JMJD4: variants seen among roughly 807,000 people sequenced by gnomAD.
The protein encoded by JMJD4 is 2-oxoglutarate and iron-dependent oxygenase JMJD4.
Under a neutral mutation model 36.3 loss-of-function variants are expected in JMJD4, and 34 were observed. That is an observed-to-expected ratio of 0.94 (90% CI 0.71 to 1.25). The LOEUF is 1.25. JMJD4 is among the 50% of genes most tolerant of loss of function. JMJD4 has a pLI of 0.00. For missense variants in JMJD4, 584 were observed against 559.1 expected (o/e 1.04, Z -0.45); for synonymous variants, 269 against 235.3 (o/e 1.14, Z -1.31).
Position 227,734,829 on chromosome 1 carries a change from GCA to G in JMJD4, c.263-15_263-14del, listed in dbSNP as rs763430067. On this transcript the variant is annotated splice_polypyrimidine_tract_variant and intron_variant, in intron 1 of 5. Coordinates refer to ENST00000620518, the MANE Select transcript of JMJD4 (RefSeq NM_023007.3). ...ACAACCACGTCTCCTGAAATGAAAG[GCA>G]CGGTCCATGCCATCTCCCTGGGCCC... is the stretch of plus-strand genomic sequence containing the variant. 3.0e-5 allele frequency: 49 copies of G among 1,613,190 alleles called. No homozygotes were observed. Among genetic ancestry groups the G allele is most frequent in the Non-Finnish European group, 4.0e-5 (47 of 1,179,936 alleles).
At position 227,732,591 on chromosome 1, in the gene JMJD4, A is replaced by G; in HGVS notation, c.1055T>C (p.Leu352Pro). ...ACCGTCCTCAGCGGCTGCCTCCCTC[A>G]GGACCAGGAGCCTCTTCTCAGCGAT... Reference protein sequence around the residue: ...KVIAEKRLLVLREAAAEDGAG... With the variant: ...KVIAEKRLLVPREAAAEDGAG... The change falls in exon 6 of 6, where the codon CTG becomes CCG. Residue 352 changes from leucine to proline, a missense_variant. Coordinates refer to ENST00000620518, the MANE Select transcript of JMJD4 (RefSeq NM_023007.3). The G allele has an allele frequency of 6.2e-7, 1 of 1,613,492 alleles. No individual in the cohort carries two copies. Among genetic ancestry groups the G allele is most frequent in the Non-Finnish European group, 8.5e-7 (1 of 1,180,032 alleles).
chr1:227,731,515 T>A lies in JMJD4; in HGVS notation c.*877A>T, dbSNP rs1434195738. 1 of 152,066 alleles carries A rather than the reference T, an allele frequency of 6.6e-6. No homozygotes were observed. Among genetic ancestry groups the A allele is most frequent in the African/African-American group, 2.4e-5 (1 of 41,384 alleles). The allele number at this position is 152,066 out of a possible 1,614,324, so 9.4% of individuals were successfully genotyped here. A position where few individuals can be genotyped will look rare whatever the true frequency, so the allele number is the denominator to read the frequency against. The stretch of plus-strand genomic sequence containing the variant: ...AGTGCCAGTCTCCACAAACTGTGGA[T>A]CCACTAGAGGGTTCAGGCCTGGGGC... On this transcript the variant is annotated 3_prime_UTR_variant, in exon 6 of 6. Coordinates refer to ENST00000620518, the MANE Select transcript of JMJD4 (RefSeq NM_023007.3).
chr1:227,734,190 T>TGGCGGGGGAGGG, intron 2 of JMJD4, 158 bp from the exon 3 acceptor site: 1 of 805,538 alleles, frequency 1.2e-6, no homozygotes, highest in Non-Finnish European at 1.9e-6. Flanking sequence ...CAGACGCTGC[T>TGGCGGGGGAGGG]GGCGGGGGAG....
In JMJD4 at chr1:227,734,725, G is replaced by A. The variant is rs764611235; in HGVS notation, c.354C>T (p.Tyr118=). ...AGCCCGCCTGTATGTACTCTTTCCA[G>A]TAGGTGATGTAGTCTCTGAGAGTCA... The part of the protein sequence containing the change: ...EHMTLRDYIT[Y]WKEYIQAGYS... Residue 118 remains tyrosine (Y), a synonymous_variant, in exon 2 of 6, where the codon TAC becomes TAT. Coordinates refer to ENST00000620518, the MANE Select transcript of JMJD4 (RefSeq NM_023007.3). The A allele has an allele frequency of 1.2e-6, 2 of 1,614,100 alleles. No individual in the cohort carries two copies. The highest frequency in any genetic ancestry group is 1.3e-5 in the African/African-American group (1 of 75,044).
At position 227,732,261 on chromosome 1, in the gene JMJD4, T is replaced by C. The variant is rs1305735107; in HGVS notation, c.*131A>G. On this transcript the variant is annotated 3_prime_UTR_variant, in exon 6 of 6. Transcript: ENST00000620518. ...AAAACAGGCACCCAGGCAGTGGCCA[T>C]GAACAGCCAGGCCACAAGCCTCGAC... 6 of 1,096,110 alleles carry C rather than the reference T, an allele frequency of 5.5e-6. No homozygotes were observed. The highest frequency in any genetic ancestry group is 2.4e-5 in the East Asian group (1 of 41,506). The allele number at this position is 1,096,110 out of a possible 1,614,324, so 67.9% of individuals were successfully genotyped here.
Position 227,733,580 on chromosome 1 carries a change from AGGGCCTCTTCCTGCCCT to A in JMJD4, c.639_655del (p.Gly214AlafsTer57), listed in dbSNP as rs778950565. 1 of 1,607,670 alleles carries A rather than the reference AGGGCCTCTTCCTGCCCT, an allele frequency of 6.2e-7. No homozygotes were observed. Among genetic ancestry groups the A allele is most frequent in the Admixed American group, 1.7e-5 (1 of 58,114 alleles). Reference sequence around the variant, plus strand: ...GGGCAGGTTGCCGTGGCGGTCCCGCAGGGCCTCTTCCTGCCCTGGGGGGAAGAGGAGCCACTTCTTCC... The same window carrying A: ...GGGCAGGTTGCCGTGGCGGTCCCGCAGGGGGGAAGAGGAGCCACTTCTTCC... On this transcript the variant is annotated frameshift_variant, in exon 4 of 6. Coordinates refer to ENST00000620518, the MANE Select transcript of JMJD4 (RefSeq NM_023007.3). LOFTEE classifies it high-confidence loss of function.
intron 4 of JMJD4, 116 bp from the exon 5 acceptor site, chr1:227,733,143 C>G: frequency 8.6e-7 from 1 of 1,162,014 alleles, no homozygotes; most frequent in Non-Finnish European, 1.2e-6. Context: ...CCAAGAGGGC[C>G]CTCCTGTCTC....
rs773373079 is a variant in JMJD4, at chr1:227,733,894, T to A, written c.554+13A>T. On this transcript the variant is annotated intron_variant, in intron 3 of 5. Transcript: ENST00000620518. ...GGCCCCTTCGGGTTCCACTCCCACA[T>A]CCGTGGCCTCACCAGCTGCCCGCAG... The A allele has an allele frequency of 1.1e-5, 18 of 1,613,002 alleles. No homozygotes were observed. In the Admixed American group the frequency reaches 2.8e-4, roughly 25 times the overall value.
intron 2 of JMJD4, 55 bp from the exon 3 acceptor site, chr1:227,734,087 G>A: frequency 6.3e-7 from 1 of 1,580,106 alleles, no homozygotes; most frequent in Non-Finnish European, 8.6e-7. Context: ...GAGGAGACTA[G>A]GGCAGCACGA....
chr1:227,732,647 G>A lies in JMJD4; in HGVS notation c.999C>T (p.Asn333=). 1 of 1,613,294 alleles carries A rather than the reference G, an allele frequency of 6.2e-7. No homozygotes were observed. Among genetic ancestry groups the A allele is most frequent in the South Asian group, 1.1e-5 (1 of 91,088 alleles). The part of the protein sequence containing the change: ...QVIMRSCSGI[N]FEEFYHFLKV... ...TGAGGAAGTGGTAAAACTCTTCAAA[G>A]TTGATGCCCGAGCAGGACCTCATGA... The change falls in exon 6 of 6, where the codon AAC becomes AAT. Residue 333 remains asparagine, a synonymous_variant. Coordinates refer to ENST00000620518, the MANE Select transcript of JMJD4 (RefSeq NM_023007.3).
At chr1:227,733,097 C>A (rs974715930) in intron 4 of JMJD4, 70 bp from the exon 5 acceptor site, 3 of 1,535,764 alleles carry the variant, frequency 2.0e-6, no homozygotes, top group South Asian at 1.2e-5. Flanking sequence ...ACATCTCCTG[C>A]GCCAGGAACC....
chr1:227,732,897 C>T lies in JMJD4; in HGVS notation c.953G>A (p.Trp318Ter). Residue 318 changes from tryptophan (W) to a stop codon, truncating the protein, a stop_gained, in exon 5 of 6, where the codon TGG becomes TAG. Coordinates refer to ENST00000620518, the MANE Select transcript of JMJD4 (RefSeq NM_023007.3). LOFTEE classifies it low-confidence loss of function (END_TRUNC). ...VSEWRDSMPDWHHHCQVIMRS... is the reference protein window; with the variant it reads ...VSEWRDSMPD The stretch of plus-strand genomic sequence containing the variant: ...CCACCCCACCTGGCAGTGGTGGTGC[C>T]AGTCGGGCATGGAGTCCCTCCACTC... 1.2e-6 allele frequency: 2 copies of T among 1,612,738 alleles called. No individual in the cohort carries two copies. The highest frequency in any genetic ancestry group is 2.7e-5 in the African/African-American group (2 of 75,060).
At position 227,731,851 on chromosome 1, in the gene JMJD4, C is replaced by CACCGTCCTCAGCGGCTG; in HGVS notation, c.*540_*541insCAGCCGCTGAGGACGGT. On this transcript the variant is annotated 3_prime_UTR_variant, in exon 6 of 6. Transcript: ENST00000620518. ...GGTGGCAAAGGCCAGCCCAACCCAG[C>CACCGTCCTCAGCGGCTG]CCTCCACTCTGGGTACCCAGAGGAA... 3 of 161,304 alleles carry CACCGTCCTCAGCGGCTG rather than the reference C, an allele frequency of 1.9e-5. No homozygotes were observed. Among genetic ancestry groups the CACCGTCCTCAGCGGCTG allele is most frequent in the South Asian group, 3.4e-4 (2 of 5,884 alleles). 10.0% of individuals were successfully genotyped at this position (161,304 alleles called of 1,614,324 possible). A position where few individuals can be genotyped will look rare whatever the true frequency, so the allele number is the denominator to read the frequency against.
intron 2 of JMJD4, 171 bp downstream of exon 2, chr1:227,734,480 C>A: frequency 1.8e-6 from 1 of 544,952 alleles, no homozygotes; most frequent in Non-Finnish European, 3.1e-6. Context: ...TCCCAAAGAA[C>A]AACACTTGCA....
chr1:227,732,478 T>C lies in JMJD4; in HGVS notation c.1168A>G (p.Arg390Gly), dbSNP rs749747506. The C allele has an allele frequency of 6.2e-7, 1 of 1,613,300 alleles. No homozygotes were observed. Among genetic ancestry groups the C allele is most frequent in the Non-Finnish European group, 8.5e-7 (1 of 1,180,018 alleles). The change falls in exon 6 of 6, where the codon AGA becomes GGA. Residue 390 changes from arginine (R) to glycine (G), a missense_variant. Coordinates refer to ENST00000620518, the MANE Select transcript of JMJD4 (RefSeq NM_023007.3). ...ASLVAHPDFQ[R>G]VDTSAFSPQP... ...GGTGAGAACGCGCTGGTGTCCACTC[T>C]CTGGAAGTCGGGGTGCGCAACCAAG... is the stretch of plus-strand genomic sequence containing the variant.
chr1:227,732,289 G>A lies in JMJD4; in HGVS notation c.*103C>T. On this transcript the variant is annotated 3_prime_UTR_variant, in exon 6 of 6. Transcript: ENST00000620518. ...ACAGCCAGGCCACAAGCCTCGACAG[G>A]GGTGGGCCCCAGGTCACAGGGAGGG... The A allele has an allele frequency of 1.5e-6, 2 of 1,368,130 alleles. No homozygotes were observed. Among genetic ancestry groups the A allele is most frequent in the Non-Finnish European group, 2.0e-6 (2 of 980,216 alleles). The allele number at this position is 1,368,130 out of a possible 1,614,324, so 84.7% of individuals were successfully genotyped here. A position where few individuals can be genotyped will look rare whatever the true frequency, so the allele number is the denominator to read the frequency against.
Position 227,735,095 on chromosome 1 carries a change from G to C in JMJD4, c.179C>G (p.Ala60Gly). 6.4e-7 allele frequency: 1 copy of C among 1,573,838 alleles called. No individual in the cohort carries two copies. Among genetic ancestry groups the C allele is most frequent in the Non-Finnish European group, 8.6e-7 (1 of 1,160,918 alleles). The stretch of plus-strand genomic sequence containing the variant: ...CCGGCTGCCCCAGCCCTGCGTGAAG[G>C]CGCTGGAAAACACGCAGGGCAGGTT... ...LPNLPCVFSS[A>G]FTQGWGSRRR... Residue 60 changes from alanine to glycine, a missense_variant, in exon 1 of 6, where the codon GCC (alanine) becomes GGC (glycine). Transcript: ENST00000620518.
At chr1:227,734,578 T>C (rs1660932861) in intron 2 of JMJD4, 73 bp downstream of exon 2, 2 of 1,484,492 alleles carry the variant, frequency 1.3e-6, no homozygotes, top group Non-Finnish European at 1.9e-6. Flanking sequence ...AGGGGCCACC[T>C]TCATCAGAAA....
chr1:227,732,536 A>G lies in JMJD4; in HGVS notation c.1110T>C (p.Phe370=). Residue 370 remains phenylalanine, a synonymous_variant, in exon 6 of 6, where the codon TTT becomes TTC. Transcript: ENST00000620518. ...GCACCTCTGTGATGCGCCCAACATC[A>G]AAGGCTGCCTGTTCGAAACCCAACC... is the stretch of plus-strand genomic sequence containing the variant. ...GAGLGFEQAA[F]DVGRITEVLA... is the part of the protein sequence containing the mutation. 3 of 1,613,362 alleles carry G rather than the reference A, an allele frequency of 1.9e-6. No homozygotes were observed. The highest frequency in any genetic ancestry group is 2.5e-6 in the Non-Finnish European group (3 of 1,180,020).
Sources: allele counts gnomAD v4.1 joint callset, GRCh38; gene constraint gnomAD v4.1.1; transcripts MANE v1.5; gene names NCBI Gene and HGNC (gene_info 2026-07-23, HGNC 2026-07-21).